The following PPM1D variants were observed in gnomAD, a reference collection of about 807,000 sequenced individuals.
PPM1D encodes the protein protein phosphatase, Mg2+/Mn2+ dependent 1D.
PPM1D carries 52 observed loss-of-function variants against 58.3 expected under a neutral mutation model. The observed-to-expected ratio is 0.89, with a 90% CI of 0.71 to 1.12. The LOEUF (loss-of-function observed/expected upper bound fraction) is 1.12. Ranked by LOEUF, PPM1D falls within the 50% of genes most tolerant of loss-of-function variation. The pLI is 0.00. For synonymous variants in PPM1D, 278 were observed against 285.1 expected, an observed-to-expected ratio of 0.98 and a Z score of 0.25; for missense variants, 564 against 777.2, an observed-to-expected ratio of 0.73 and a Z score of 3.26.
chr17:60,612,586 C>G (rs2030481195), intron 1 of PPM1D, among the ~76,000 whole-genome samples: 1 of 152,068 alleles, frequency 6.6e-6, no homozygotes, highest in African/African-American at 2.4e-5. Context: ...GTGGTTTACA[C>G]ACTATTGCTT....
chr17:60,648,074 T>C lies in PPM1D; in HGVS notation c.1009T>C (p.Tyr337His), dbSNP rs760265190. ...GTGCCAGGACCAAGAGGAGAAAAAATACCTGATGGTGAGATGTGATTGAAT... is the reference window on the plus strand; with the variant it reads ...GTGCCAGGACCAAGAGGAGAAAAAACACCTGATGGTGAGATGTGATTGAAT... ...SMCQDQEEKK[Y>H]LMGEHGQSCA... The change falls in exon 4 of 6, where the codon TAC becomes CAC. Residue 337 changes from tyrosine (Y) to histidine (H), a missense_variant. Tyr to His is a moderately conservative substitution (Grantham distance 83). Around this residue, in one of 7 missense-constraint regions of PPM1D, gnomAD observed 34 missense variants for 34.3 expected, o/e 0.99. Transcript: ENST00000305921. 15 of 1,607,086 alleles carry C rather than the reference T, an allele frequency of 9.3e-6. No individual in the cohort carries two copies. Among genetic ancestry groups the C allele is most frequent in the Non-Finnish European group, 1.3e-5 (15 of 1,177,710 alleles).
chr17:60,621,291 G>A lies in PPM1D; in HGVS notation c.473-2230G>A, dbSNP rs117651775. 2.5e-3 allele frequency among the ~76,000 whole-genome samples: 386 copies of A among 152,212 alleles called. 4 individuals carry two copies. The highest frequency in any genetic ancestry group is 0.016 in the South Asian group (78 of 4,822). On this transcript the variant is annotated intron_variant, in intron 1 of 5. Coordinates refer to ENST00000305921, the MANE Select transcript of PPM1D (RefSeq NM_003620.4). ...CACTTTCCAGTTAATTTTTGTGTAT[G>A]GTATAAGACAAGGGTACAATTTCAT...
intron 5 of PPM1D, among the ~76,000 whole-genome samples, chr17:60,658,382 C>G (rs2031475044): frequency 6.6e-6 from 1 of 152,154 alleles, no homozygotes; most frequent in South Asian, 2.1e-4. Flanking sequence ...GGCACAGTGG[C>G]TCATGCCTGT....
intron 3 of PPM1D, among the ~76,000 whole-genome samples, chr17:60,643,362 T>A (rs943234410): frequency 6.6e-6 from 1 of 151,974 alleles, no homozygotes; most frequent in African/African-American, 2.4e-5. Flanking sequence ...TCCTGGGCAA[T>A]AGAGTAAGAC....
chr17:60,618,481 G>C (rs750964443), intron 1 of PPM1D, among the ~76,000 whole-genome samples: 1 of 152,052 alleles, frequency 6.6e-6, no homozygotes, highest in South Asian at 2.1e-4. Context: ...TAATTTGTGC[G>C]GTCTTGTAGT....
chr17:60,600,244 C>A lies in PPM1D; in HGVS notation c.-171C>A. 7.6e-7 allele frequency: 1 copy of A among 1,317,630 alleles called. No homozygotes were observed. Among genetic ancestry groups the A allele is most frequent in the Non-Finnish European group, 1.0e-6 (1 of 997,790 alleles). The allele number at this position is 1,317,630 out of a possible 1,614,324, so 81.6% of individuals were successfully genotyped here. On this transcript the variant is annotated 5_prime_UTR_variant, in exon 1 of 6. Coordinates refer to ENST00000305921, the MANE Select transcript of PPM1D (RefSeq NM_003620.4). ...TGCTCGCTCCGGCGCTCCGGCCCAG[C>A]TCTCGCGGACAAGTCCAGACATCGC...
At chr17:60,645,813 T>C (rs2031241671) in intron 3 of PPM1D, among the ~76,000 whole-genome samples, 1 of 151,338 alleles carries the variant, frequency 6.6e-6, no homozygotes, top group South Asian at 2.1e-4. Context: ...TTTATATCTT[T>C]TGGTTTTCAT....
At chr17:60,652,575 T>TG (rs1555648227) in intron 4 of PPM1D, among the ~76,000 whole-genome samples, 1 of 141,608 alleles carries the variant, frequency 7.1e-6, no homozygotes, top group Non-Finnish European at 1.5e-5. Context: ...TTTTTTTTTT[T>TG]GAGGAACCTT....
chr17:60,653,528 G>C (rs1458490139), intron 4 of PPM1D, among the ~76,000 whole-genome samples: 1 of 152,124 alleles, frequency 6.6e-6, no homozygotes, highest in Non-Finnish European at 1.5e-5. Flanking sequence ...AGGATATTTT[G>C]TGGTTTCATA....
intron 1 of PPM1D, among the ~76,000 whole-genome samples, chr17:60,621,754 T>G (rs2030708029): frequency 6.7e-6 from 1 of 149,864 alleles, no homozygotes; most frequent in Admixed American, 6.6e-5. Context: ...TTTGTATTTT[T>G]AGTAGAAACG....
At chr17:60,641,139 A>C (rs1421508756) in intron 3 of PPM1D, among the ~76,000 whole-genome samples, 1 of 152,170 alleles carries the variant, frequency 6.6e-6, no homozygotes, top group Non-Finnish European at 1.5e-5. Flanking sequence ...TGCTAGATCG[A>C]ATGGTAGTTC....
intron 5 of PPM1D, among the ~76,000 whole-genome samples, chr17:60,659,158 C>G (rs748087313): frequency 1.3e-5 from 2 of 152,162 alleles, no homozygotes; most frequent in Non-Finnish European, 2.9e-5. Context: ...AGACAGATTT[C>G]TGCCCAAGAA....
chr17:60,622,066 T>G (rs1276457171), intron 1 of PPM1D, among the ~76,000 whole-genome samples: 18 of 151,094 alleles, frequency 1.2e-4, no homozygotes, highest in Admixed American at 1.2e-3. Flanking sequence ...GGCAGGCGCC[T>G]GTAGTCCCAG....
intron 2 of PPM1D, among the ~76,000 whole-genome samples, chr17:60,628,511 A>T (rs1220483148): frequency 6.6e-6 from 1 of 152,038 alleles, no homozygotes; most frequent in East Asian, 1.9e-4. Flanking sequence ...TTGTCTGTTC[A>T]TCCCTCCCCC....
At chr17:60,638,363 T>C (rs2031066106) in intron 3 of PPM1D, among the ~76,000 whole-genome samples, 1 of 152,118 alleles carries the variant, frequency 6.6e-6, no homozygotes. Context: ...ATTCTGACAC[T>C]TGGAAAAATT....
intron 3 of PPM1D, among the ~76,000 whole-genome samples, chr17:60,640,740 C>T (rs2031117546): frequency 6.6e-6 from 1 of 152,082 alleles, no homozygotes. Context: ...CCATCTGTAT[C>T]TTCATGTGTA....
At chr17:60,612,177 G>A (rs1159148922) in intron 1 of PPM1D, among the ~76,000 whole-genome samples, 1 of 151,988 alleles carries the variant, frequency 6.6e-6, no homozygotes, top group Non-Finnish European at 1.5e-5. Context: ...CATCTATCAC[G>A]CCCAAAAGTT....
Position 60,605,889 on chromosome 17 carries a change from C to T in PPM1D, c.472+5003C>T, listed in dbSNP as rs141674851. Among the ~76,000 whole-genome samples the T allele has an allele frequency of 3.3e-3, 509 of 152,218 alleles. 2 individuals are homozygous for T. The highest frequency in any genetic ancestry group is 0.011 in the African/African-American group (473 of 41,532). On this transcript the variant is annotated intron_variant, in intron 1 of 5. Coordinates refer to ENST00000305921, the MANE Select transcript of PPM1D (RefSeq NM_003620.4). The stretch of plus-strand genomic sequence containing the variant: ...CATTGCACTCCAGCCTGGGAGAAGA[C>T]GCGAGACTCTGTCTCATAAATAAAT...
At chr17:60,601,029 T>C in intron 1 of PPM1D, 143 bp downstream of exon 1, 1 of 1,272,134 alleles carries the variant, frequency 7.9e-7, no homozygotes, top group South Asian at 1.5e-5. Flanking sequence ...GTAATAGCGC[T>C]TTGCTGGGTG....
Sources: gnomAD v4.1 joint callset for allele counts (sites outside exome capture counted in the v4.1 genomes callset) on GRCh38, gnomAD v4.1.1 for gene constraint, gnomAD v4.1.1 regional missense constraint, MANE v1.5 for transcripts, NCBI Gene and HGNC (gene_info 2026-07-23, HGNC 2026-07-21) for gene names.